Variants in PDE1C observed in about 807,000 individuals in gnomAD.
PDE1C encodes phosphodiesterase 1C.
A neutral mutation model predicts 93.1 loss-of-function variants in PDE1C; 62 were observed. The ratio of observed to expected loss-of-function variants is 0.67; its 90% CI spans 0.54 to 0.82. The LOEUF (loss-of-function observed/expected upper bound fraction) is 0.82. PDE1C is among the 40% of genes least tolerant of loss of function. The pLI is 0.00. For missense variants in PDE1C, 742 were observed against 884.6 expected (o/e 0.84, Z 2.04); for synonymous variants, 325 against 310.1 (o/e 1.05, Z -0.50).
chr7:32,215,481 G>A (rs1806362549), intron 1 of PDE1C, among the ~76,000 whole-genome samples: 1 of 152,176 alleles, frequency 6.6e-6, no homozygotes. Context: ...CCCCTGGTGT[G>A]TTTGCTGTAG....
intron 3 of PDE1C, among the ~76,000 whole-genome samples, chr7:32,114,409 G>A (rs193147474): frequency 6.6e-6 from 1 of 151,798 alleles, no homozygotes; most frequent in Admixed American, 6.5e-5. Context: ...TAGGAAAACT[G>A]CCCAGCCATA....
chr7:31,624,100 C>T, the PDE1C span, among the ~76,000 whole-genome samples: 25 of 150,862 alleles, frequency 1.7e-4, no homozygotes, highest in Middle Eastern at 3.4e-3. Context: ...AACTACAAAC[C>T]ACTGCTCAAT....
intron 2 of PDE1C, among the ~76,000 whole-genome samples, chr7:31,987,009 A>T (rs925625731): frequency 6.6e-6 from 1 of 152,152 alleles, no homozygotes; most frequent in Non-Finnish European, 1.5e-5. Flanking sequence ...AACTCCAAAC[A>T]TATGGTCAAT....
At chr7:32,358,353 C>A (rs1200193049) in intron 1 of PDE1C, among the ~76,000 whole-genome samples, 1 of 152,194 alleles carries the variant, frequency 6.6e-6, no homozygotes, top group Non-Finnish European at 1.5e-5. Context: ...ACAAATAATT[C>A]TAAATATGCC....
At chr7:32,233,943 A>G (rs1241507034) in intron 1 of PDE1C, among the ~76,000 whole-genome samples, 2 of 152,068 alleles carry the variant, frequency 1.3e-5, no homozygotes, top group African/African-American at 4.8e-5. Context: ...GAAAGTATAC[A>G]AAGTATGTTT....
intron 3 of PDE1C, among the ~76,000 whole-genome samples, chr7:32,077,601 C>T (rs1265669668): frequency 6.6e-6 from 1 of 151,714 alleles, no homozygotes; most frequent in African/African-American, 2.4e-5. Context: ...GACAGAGTTT[C>T]GCTCTTGTTG....
chr7:32,261,593 A>C (rs1268499661), intron 1 of PDE1C, among the ~76,000 whole-genome samples: 1 of 152,170 alleles, frequency 6.6e-6, no homozygotes, highest in Non-Finnish European at 1.5e-5. Flanking sequence ...AACCATTGGG[A>C]TTTACAGTGG....
At position 31,919,039 on chromosome 7, in the gene PDE1C, A is replaced by G. The variant is rs77148920; in HGVS notation, c.129-38179T>C. Among the ~76,000 whole-genome samples the G allele has an allele frequency of 3.9e-5, 6 of 152,362 alleles. No individual in the cohort carries two copies. The East Asian group carries it at 1.2e-3, about 29-fold the overall frequency. ...ATCAGCAATGCTATAAATAAATCAT[A>G]TTAAGGCAGGGCTTACAGATAAATC... On this transcript the variant is annotated intron_variant, in intron 2 of 17. Transcript: ENST00000396191.
At chr7:32,246,102 G>A (rs1292194876) in intron 1 of PDE1C, among the ~76,000 whole-genome samples, 2 of 151,322 alleles carry the variant, frequency 1.3e-5, no homozygotes, top group Non-Finnish European at 2.9e-5. Context: ...CTGAGTAGCT[G>A]GGACCACAGA....
At chr7:31,638,808 G>A in the PDE1C span, among the ~76,000 whole-genome samples, 2 of 151,990 alleles carry the variant, frequency 1.3e-5, no homozygotes, top group Non-Finnish European at 2.9e-5. Context: ...ATGGAGACTT[G>A]CTCTGTCGCC....
chr7:31,771,995 G>A (rs1461446790), intron 17 of PDE1C, among the ~76,000 whole-genome samples: 1 of 148,916 alleles, frequency 6.7e-6, no homozygotes, highest in Admixed American at 6.7e-5. Flanking sequence ...GCAGTGAGCC[G>A]AGATAGCGCC....
intron 3 of PDE1C, among the ~76,000 whole-genome samples, chr7:32,076,797 C>G (rs1029398621): frequency 6.6e-6 from 1 of 152,004 alleles, no homozygotes; most frequent in African/African-American, 2.4e-5. Flanking sequence ...TGCCCATTGA[C>G]TTTTAGGTTA....
chr7:32,307,154 A>G (rs1423703697), intron 1 of PDE1C, among the ~76,000 whole-genome samples: 2 of 152,192 alleles, frequency 1.3e-5, no homozygotes, highest in Non-Finnish European at 2.9e-5. Flanking sequence ...CCAAATTCTC[A>G]GTGACCTAAC....
intron 2 of PDE1C, among the ~76,000 whole-genome samples, chr7:32,018,831 C>G (rs1788261489): frequency 6.6e-6 from 1 of 152,078 alleles, no homozygotes; most frequent in Non-Finnish European, 1.5e-5. Context: ...TGAATTGTAT[C>G]TCATTAAGAT....
the PDE1C span, chr7:31,692,380 A>C: frequency 7.5e-7 from 1 of 1,328,620 alleles, no homozygotes; most frequent in Non-Finnish European, 1.1e-6. Context: ...AGCCATACTT[A>C]TTAACTGTTT....
At chr7:32,123,284 C>G (rs1313272482) in intron 3 of PDE1C, among the ~76,000 whole-genome samples, 1 of 152,034 alleles carries the variant, frequency 6.6e-6, no homozygotes, top group Non-Finnish European at 1.5e-5. Context: ...AGCAGAGGTA[C>G]AAAAAGGAGC....
chr7:32,229,281 G>A (rs1358657871), intron 1 of PDE1C, among the ~76,000 whole-genome samples: 1 of 152,178 alleles, frequency 6.6e-6, no homozygotes, highest in Admixed American at 6.5e-5. Flanking sequence ...ATTTGCCCAA[G>A]GTCATGGACA....
intron 17 of PDE1C, among the ~76,000 whole-genome samples, chr7:31,754,686 G>A (rs1161594801): frequency 6.6e-6 from 1 of 152,154 alleles, no homozygotes; most frequent in Non-Finnish European, 1.5e-5. Flanking sequence ...TTCTTCAAAG[G>A]ACATAACTAT....
At chr7:31,796,094 T>C (rs1025697146) in intron 16 of PDE1C, among the ~76,000 whole-genome samples, 8 of 150,716 alleles carry the variant, frequency 5.3e-5, no homozygotes, top group Non-Finnish European at 7.4e-5. Flanking sequence ...GACATATATA[T>C]ATCTATATAC....
Sources: allele counts gnomAD v4.1 joint callset (sites outside exome capture counted in the v4.1 genomes callset), GRCh38; gene constraint gnomAD v4.1.1; transcripts MANE v1.5; gene names NCBI Gene and HGNC (gene_info 2026-07-23, HGNC 2026-07-21).